Variants in SLC12A1 observed in about 807,000 individuals in gnomAD.
SLC12A1 encodes Na-K-2Cl cotransporter.
SLC12A1 carries 89 observed loss-of-function variants against 130.4 expected under a neutral mutation model. That is an observed-to-expected ratio of 0.68 (90% CI 0.58 to 0.81). The LOEUF (loss-of-function observed/expected upper bound fraction) is 0.81. Ranked by LOEUF, SLC12A1 falls within the 40% of genes least tolerant of loss-of-function variation. The pLI, the probability that SLC12A1 is intolerant of heterozygous loss-of-function variation, is 0.00. For synonymous variants in SLC12A1, 499 were observed against 460.0 expected, an observed-to-expected ratio of 1.08 and a Z score of -1.09; for missense variants, 1,310 against 1,336.4, an observed-to-expected ratio of 0.98 and a Z score of 0.31.
intron 18 of SLC12A1, among the ~76,000 whole-genome samples, chr15:48,268,898 A>G (rs1335935043): frequency 6.6e-6 from 1 of 152,228 alleles, no homozygotes; most frequent in Non-Finnish European, 1.5e-5. Context: ...GCAGGGAAAG[A>G]AAAGACACAA....
Position 48,301,173 on chromosome 15 carries a change from A to T in SLC12A1, c.3097-142A>T, listed in dbSNP as rs572513268. ...TCTCATGAGGTTTTAAAACACCATA[A>T]GTTTCTAAGCCTGAAAAAGTAATTG... On this transcript the variant is annotated intron_variant, in intron 25 of 26. Coordinates refer to ENST00000380993, the MANE Select transcript of SLC12A1 (RefSeq NM_000338.3). 54 of 677,036 alleles carry T rather than the reference A, an allele frequency of 8.0e-5. No homozygotes were observed. The African/African-American group carries it at 9.1e-4, about 11-fold the overall frequency. The allele number at this position is 677,036 out of a possible 1,614,324, so 41.9% of individuals were successfully genotyped here.
chr15:48,227,147 A>G (rs1322143684), intron 5 of SLC12A1: 1 of 1,551,752 alleles, frequency 6.4e-7, no homozygotes, highest in Non-Finnish European at 8.7e-7. Context: ...TATGTCTGCT[A>G]TTTGCACGAA....
rs373248369 is a variant in SLC12A1, at chr15:48,244,872, C to T, written c.1420C>T (p.Pro474Ser). 2 of 1,613,700 alleles carry T rather than the reference C, an allele frequency of 1.2e-6. No individual in the cohort carries two copies. Among genetic ancestry groups the T allele is most frequent in the African/African-American group, 2.7e-5 (2 of 74,896 alleles). The change falls in exon 11 of 27, where the codon CCA becomes TCA. Residue 474 changes from proline to serine, a missense_variant. Transcript: ENST00000380993. ...GYDFSRCRHE[P>S]CQYGLMNNFQ... ...TGACTTCTCAAGATGTCGACATGAA[C>T]CATGTCAGTACGGGCTGATGAACAA...
At chr15:48,207,058 A>G (rs1044716087) in intron 1 of SLC12A1, among the ~76,000 whole-genome samples, 1 of 152,174 alleles carries the variant, frequency 6.6e-6, no homozygotes, top group Non-Finnish European at 1.5e-5. Flanking sequence ...GAACATGTAC[A>G]GATTTTTATA....
intron 16 of SLC12A1, among the ~76,000 whole-genome samples, chr15:48,256,467 A>G (rs2041708063): frequency 6.6e-6 from 1 of 152,228 alleles, no homozygotes; most frequent in Non-Finnish European, 1.5e-5. Context: ...TCATACTGCT[A>G]TGAAGAAATA....
At chr15:48,220,484 A>G (rs2041198137) in intron 2 of SLC12A1, 150 bp from the exon 3 acceptor site, 2 of 825,674 alleles carry the variant, frequency 2.4e-6, no homozygotes, top group East Asian at 5.6e-5. Flanking sequence ...AAAAAATATA[A>G]GTTTCATTAA....
intron 7 of SLC12A1, among the ~76,000 whole-genome samples, chr15:48,231,441 C>G (rs2041376397): frequency 6.6e-6 from 1 of 152,190 alleles, no homozygotes; most frequent in Non-Finnish European, 1.5e-5. Context: ...ACTTTATTCC[C>G]TGAGTGAGGC....
chr15:48,268,439 ATG>A (rs2041857566), intron 18 of SLC12A1, among the ~76,000 whole-genome samples: 1 of 152,164 alleles, frequency 6.6e-6, no homozygotes, highest in Non-Finnish European at 1.5e-5. Flanking sequence ...TTATATATAT[ATG>A]AAATGGTGCA....
chr15:48,275,807 T>A (rs1050832029), intron 20 of SLC12A1, among the ~76,000 whole-genome samples: 1 of 152,140 alleles, frequency 6.6e-6, no homozygotes, highest in African/African-American at 2.4e-5. Flanking sequence ...AAAGCCTCAT[T>A]TGTCATATTA....
intron 2 of SLC12A1, among the ~76,000 whole-genome samples, chr15:48,219,419 G>C (rs1272337271): frequency 6.6e-6 from 1 of 151,980 alleles, no homozygotes; most frequent in Non-Finnish European, 1.5e-5. Context: ...ACCTTGGCGT[G>C]GTGGTGCACC....
intron 18 of SLC12A1, 110 bp from the exon 19 acceptor site, chr15:48,269,548 C>G (rs2041869875): frequency 1.8e-6 from 1 of 557,022 alleles, no homozygotes; most frequent in African/African-American, 1.9e-5. Flanking sequence ...ATCTAATCTT[C>G]AGGATCTTCA....
chr15:48,260,962 T>C (rs1390846292), intron 17 of SLC12A1, among the ~76,000 whole-genome samples: 1 of 152,216 alleles, frequency 6.6e-6, no homozygotes, highest in Non-Finnish European at 1.5e-5. Context: ...AATTATCTGG[T>C]AGGAGATGGA....
Position 48,229,325 on chromosome 15 carries a change from T to A in SLC12A1, c.861T>A (p.Leu287=), listed in dbSNP as rs200322981. 1.4e-5 allele frequency: 22 copies of A among 1,592,940 alleles called. No individual in the cohort carries two copies. The highest frequency in any genetic ancestry group is 1.3e-5 in the African/African-American group (1 of 74,814). ...TTGCTGAGACTGTAGTAGATCTTCT[T>A]AAGGTAATTAAAAGCTTTTCTTTTT... ...VGFAETVVDL[L]KESDSMMVDP... is the part of the protein sequence containing the mutation. The change falls in exon 6 of 27, where the codon CTT becomes CTA. Residue 287 remains leucine, a synonymous_variant. Transcript: ENST00000380993.
intron 2 of SLC12A1, among the ~76,000 whole-genome samples, chr15:48,212,616 C>A (rs1261812351): frequency 1.3e-5 from 2 of 152,084 alleles, no homozygotes; most frequent in Non-Finnish European, 2.9e-5. Flanking sequence ...CAGGACTAAC[C>A]AAAATGGAAC....
At chr15:48,294,774 G>A (rs557899426) in intron 24 of SLC12A1, among the ~76,000 whole-genome samples, 1 of 152,286 alleles carries the variant, frequency 6.6e-6, no homozygotes, top group South Asian at 2.1e-4. Flanking sequence ...TAGCTGGCCA[G>A]TGCTCTGCAA....
chr15:48,247,411 G>A lies in SLC12A1; in HGVS notation c.1635G>A (p.Leu545=). ...AKGYGKNNEP[L]RGYILTFLIA... is the part of the protein sequence containing the mutation. Reference sequence around the variant, plus strand: ...GATATGGGAAAAACAATGAACCCCTGAGAGGATATATTCTCACTTTTCTTA... The same window carrying A: ...GATATGGGAAAAACAATGAACCCCTAAGAGGATATATTCTCACTTTTCTTA... The change falls in exon 13 of 27, where the codon CTG becomes CTA. Residue 545 remains leucine, a synonymous_variant. Transcript: ENST00000380993. 6.2e-7 allele frequency: 1 copy of A among 1,611,050 alleles called. No homozygotes were observed. Among genetic ancestry groups the A allele is most frequent in the South Asian group, 1.1e-5 (1 of 90,978 alleles).
intron 15 of SLC12A1, among the ~76,000 whole-genome samples, chr15:48,254,612 AAAAAAAAAAAAAAAAAAAC>A (rs2041683203): frequency 3.5e-5 from 5 of 144,676 alleles, no homozygotes; most frequent in Non-Finnish European, 6.1e-5. Flanking sequence ...AAAAAAAAAA[AAAAAAAAAAAAAAAAAAAC>A]CCAAAAAAGA....
chr15:48,255,308 G>T (rs990238904), intron 15 of SLC12A1, among the ~76,000 whole-genome samples: 5 of 151,882 alleles, frequency 3.3e-5, no homozygotes, highest in African/African-American at 1.2e-4. Context: ...CATGTTGGCG[G>T]GTGCCTGTAG....
rs1184405142 is a variant in SLC12A1 at position 48,303,903 on chromosome 15, AT to A, written c.*1025del. On this transcript the variant is annotated 3_prime_UTR_variant, in exon 27 of 27. Coordinates refer to ENST00000380993, the MANE Select transcript of SLC12A1 (RefSeq NM_000338.3). Reference sequence around the variant, plus strand: ...TAAAATTTGGAATATACAGATACTGATTTTTTTCATTTTTGTTAGTATACCT... The same window carrying A: ...TAAAATTTGGAATATACAGATACTGATTTTTTCATTTTTGTTAGTATACCT... The A allele has an allele frequency of 2.0e-5, 3 of 152,178 alleles. No individual in the cohort carries two copies. The highest frequency in any genetic ancestry group is 4.4e-5 in the Non-Finnish European group (3 of 68,032). 9.4% of individuals were successfully genotyped at this position (152,178 alleles called of 1,614,324 possible).
Sources: allele counts gnomAD v4.1 joint callset (sites outside exome capture counted in the v4.1 genomes callset), GRCh38; gene constraint gnomAD v4.1.1; transcripts MANE v1.5; gene names NCBI Gene and HGNC (gene_info 2026-07-23, HGNC 2026-07-21).